Variants in SLC2A13 observed in about 807,000 individuals in gnomAD.
The protein encoded by SLC2A13 is proton myo-inositol cotransporter.
SLC2A13 carries 32 observed loss-of-function variants against 64.4 expected under a neutral mutation model. The observed-to-expected ratio is 0.50, with a 90% CI of 0.37 to 0.67. SLC2A13 has a LOEUF of 0.67. SLC2A13 is among the 30% of genes least tolerant of loss of function. The pLI is 0.00. For synonymous variants in SLC2A13, 338 were observed against 327.1 expected (o/e 1.03, Z -0.36); for missense variants, 743 against 829.2 (o/e 0.90, Z 1.28).
intron 1 of SLC2A13, among the ~76,000 whole-genome samples, chr12:40,087,281 A>G (rs150613826): frequency 3.5e-4 from 54 of 152,310 alleles, no homozygotes; most frequent in African/African-American, 1.2e-3. Flanking sequence ...GTGTAACTTT[A>G]GAGTTTAACA....
chr12:39,881,433 T>C (rs192286137), intron 4 of SLC2A13, among the ~76,000 whole-genome samples: 4 of 146,418 alleles, frequency 2.7e-5, no homozygotes, highest in Admixed American at 6.7e-5. Context: ...CACGACTGTC[T>C]TTTTCAGTTT....
intron 4 of SLC2A13, among the ~76,000 whole-genome samples, chr12:39,920,102 C>G (rs567175160): frequency 1.3e-5 from 2 of 152,130 alleles, no homozygotes; most frequent in South Asian, 4.1e-4. Flanking sequence ...TCTTACATGC[C>G]TCATCATTCA....
At chr12:40,102,888 A>C (rs572031710) in intron 1 of SLC2A13, among the ~76,000 whole-genome samples, 17 of 152,260 alleles carry the variant, frequency 1.1e-4, no homozygotes, top group Admixed American at 9.2e-4. Flanking sequence ...TTTTAATCCT[A>C]ATTTGAAGTG....
chr12:40,010,436 A>G (rs1043768311), intron 3 of SLC2A13, among the ~76,000 whole-genome samples: 4 of 152,172 alleles, frequency 2.6e-5, no homozygotes, highest in African/African-American at 9.6e-5. Context: ...CTTGTGATGT[A>G]GGTAAGGCTT....
At chr12:40,014,536 G>A (rs1947587528) in intron 3 of SLC2A13, among the ~76,000 whole-genome samples, 2 of 151,956 alleles carry the variant, frequency 1.3e-5, no homozygotes, top group African/African-American at 4.8e-5. Flanking sequence ...TTGTTGCCCA[G>A]GCTGGAGTGC....
intron 4 of SLC2A13, among the ~76,000 whole-genome samples, chr12:39,907,225 T>C (rs990963052): frequency 6.6e-6 from 1 of 152,168 alleles, no homozygotes; most frequent in African/African-American, 2.4e-5. Flanking sequence ...GAGATTTGTA[T>C]TTAGTCTTTC....
intron 2 of SLC2A13, among the ~76,000 whole-genome samples, chr12:40,035,214 A>G (rs757315072): frequency 6.6e-6 from 1 of 152,206 alleles, no homozygotes; most frequent in Non-Finnish European, 1.5e-5. Flanking sequence ...TACAAAAGAA[A>G]TGGTCATCGT....
chr12:39,761,839 A>G (rs929198438), intron 9 of SLC2A13, among the ~76,000 whole-genome samples: 1 of 152,100 alleles, frequency 6.6e-6, no homozygotes, highest in Non-Finnish European at 1.5e-5. Context: ...CAGCAAACCC[A>G]GTTTGACTTT....
chr12:40,005,344 A>G (rs1591998948), intron 3 of SLC2A13, among the ~76,000 whole-genome samples: 2 of 152,250 alleles, frequency 1.3e-5, no homozygotes. Flanking sequence ...CAGAGGTACA[A>G]CTACCCTTTA....
At chr12:39,968,289 T>C (rs1400438318) in intron 3 of SLC2A13, among the ~76,000 whole-genome samples, 2 of 151,980 alleles carry the variant, frequency 1.3e-5, no homozygotes, top group East Asian at 3.9e-4. Context: ...TATTAAACCA[T>C]CAGATCTCAT....
chr12:39,893,946 TTAG>T (rs1367622481), intron 4 of SLC2A13, among the ~76,000 whole-genome samples: 1 of 152,200 alleles, frequency 6.6e-6, no homozygotes, highest in South Asian at 2.1e-4. Context: ...AATTAACGTG[TTAG>T]TAGGAAGTAA....
At chr12:39,863,649 A>G (rs1943822508) in intron 6 of SLC2A13, among the ~76,000 whole-genome samples, 1 of 152,214 alleles carries the variant, frequency 6.6e-6, no homozygotes, top group Non-Finnish European at 1.5e-5. Flanking sequence ...AACTTCTACT[A>G]TGAAGACACC....
intron 1 of SLC2A13, among the ~76,000 whole-genome samples, chr12:40,054,743 G>A (rs775612365): frequency 6.6e-6 from 1 of 152,182 alleles, no homozygotes; most frequent in Non-Finnish European, 1.5e-5. Context: ...ACGGCTGGAA[G>A]CCCTTTTAAA....
chr12:39,809,003 T>C (rs943041278), intron 7 of SLC2A13, among the ~76,000 whole-genome samples: 21 of 152,114 alleles, frequency 1.4e-4, no homozygotes, highest in Non-Finnish European at 1.5e-5. Flanking sequence ...CGCAAAGATT[T>C]CCTCCTATGT....
intron 3 of SLC2A13, among the ~76,000 whole-genome samples, chr12:40,005,886 A>G (rs1947408258): frequency 6.6e-6 from 1 of 152,204 alleles, no homozygotes. Flanking sequence ...TTGGCTGCAT[A>G]TGTGTATAAT....
chr12:40,058,594 AT>A (rs1948370491), intron 1 of SLC2A13, among the ~76,000 whole-genome samples: 1 of 152,198 alleles, frequency 6.6e-6, no homozygotes, highest in African/African-American at 2.4e-5. Context: ...AGCCAAAATT[AT>A]TTTAATGGAC....
At chr12:40,064,471 G>T (rs963108611) in intron 1 of SLC2A13, among the ~76,000 whole-genome samples, 10 of 152,040 alleles carry the variant, frequency 6.6e-5, no homozygotes, top group African/African-American at 2.4e-4. Flanking sequence ...AAGAAGGAAA[G>T]AATAAAAATG....
intron 7 of SLC2A13, among the ~76,000 whole-genome samples, chr12:39,783,348 T>C (rs1004182545): frequency 5.3e-5 from 8 of 152,348 alleles, no homozygotes; most frequent in African/African-American, 1.9e-4. Flanking sequence ...CATGTGTCTT[T>C]ATAGCAGCAT....
intron 1 of SLC2A13, among the ~76,000 whole-genome samples, chr12:40,086,148 C>T (rs1938581775): frequency 1.3e-5 from 2 of 152,106 alleles, no homozygotes; most frequent in Non-Finnish European, 1.5e-5. Context: ...TCCCTGCTGC[C>T]TTCTAAGAAA....
Sources: gnomAD v4.1 joint callset for allele counts (sites outside exome capture counted in the v4.1 genomes callset) on GRCh38, gnomAD v4.1.1 for gene constraint, MANE v1.5 for transcripts, NCBI Gene and HGNC (gene_info 2026-07-23, HGNC 2026-07-21) for gene names.